Variants in GALNTL6 observed in about 807,000 individuals in gnomAD.
GALNTL6 encodes the protein polypeptide N-acetylgalactosaminyltransferase-like 6.
In GALNTL6, 46 loss-of-function variants were observed where a neutral mutation model predicts 73.7. The observed-to-expected ratio is 0.62, with a 90% confidence interval of 0.49 to 0.80. The LOEUF (loss-of-function observed/expected upper bound fraction) is 0.80, where lower values mean the gene tolerates loss of function less well. Ranked by LOEUF, GALNTL6 falls within the 30% of genes least tolerant of loss-of-function variation. The pLI is 0.00. For missense variants in GALNTL6, 604 were observed against 755.0 expected (o/e 0.80, Z 2.34); for synonymous variants, 259 against 263.7 (o/e 0.98, Z 0.17).
intron 2 of GALNTL6, among the ~76,000 whole-genome samples, chr4:171,946,497 T>C (rs2111022873): frequency 6.6e-6 from 1 of 152,330 alleles, no homozygotes; most frequent in East Asian, 1.9e-4. Context: ...GTGGATGTTA[T>C]TCATCTCTCT....
intron 2 of GALNTL6, among the ~76,000 whole-genome samples, chr4:172,091,659 T>C (rs1413971335): frequency 6.6e-6 from 1 of 152,194 alleles, no homozygotes; most frequent in Non-Finnish European, 1.5e-5. Context: ...TATAATAATA[T>C]AAAAGAGACT....
At chr4:173,018,505 C>T (rs1752869038) in intron 11 of GALNTL6, among the ~76,000 whole-genome samples, 1 of 152,164 alleles carries the variant, frequency 6.6e-6, no homozygotes, top group Non-Finnish European at 1.5e-5. Flanking sequence ...AGCCCTGCAA[C>T]TAAGGATCTC....
At chr4:172,765,352 A>G (rs1053737607) in intron 5 of GALNTL6, among the ~76,000 whole-genome samples, 1 of 152,194 alleles carries the variant, frequency 6.6e-6, no homozygotes, top group Non-Finnish European at 1.5e-5. Flanking sequence ...TCATGTTTAT[A>G]TAGTTCTTTG....
intron 5 of GALNTL6, among the ~76,000 whole-genome samples, chr4:172,449,008 A>G (rs1310433745): frequency 6.6e-6 from 1 of 152,112 alleles, no homozygotes; most frequent in Non-Finnish European, 1.5e-5. Flanking sequence ...CAACTAATTA[A>G]CTTTACCTTT....
intron 2 of GALNTL6, among the ~76,000 whole-genome samples, chr4:171,856,209 T>C (rs1311867172): frequency 6.6e-6 from 1 of 152,020 alleles, no homozygotes; most frequent in Admixed American, 6.6e-5. Flanking sequence ...TTCAAGTGAT[T>C]CTTCCATCTC....
At chr4:172,352,912 GA>G (rs1741990451) in intron 5 of GALNTL6, among the ~76,000 whole-genome samples, 1 of 151,994 alleles carries the variant, frequency 6.6e-6, no homozygotes, top group Non-Finnish European at 1.5e-5. Context: ...AAACAGACTT[GA>G]AACTATCCTC....
chr4:172,491,788 A>G (rs1733903869), intron 5 of GALNTL6, among the ~76,000 whole-genome samples: 1 of 152,158 alleles, frequency 6.6e-6, no homozygotes, highest in African/African-American at 2.4e-5. Context: ...TTAAGGAAAA[A>G]GTTCTATGTC....
intron 5 of GALNTL6, among the ~76,000 whole-genome samples, chr4:172,365,049 A>C (rs1465602628): frequency 1.3e-5 from 2 of 152,224 alleles, no homozygotes; most frequent in African/African-American, 4.8e-5. Context: ...GAGGAAAAAC[A>C]TGAAAAATGA....
At chr4:171,936,425 T>C (rs1299342556) in intron 2 of GALNTL6, among the ~76,000 whole-genome samples, 2 of 152,176 alleles carry the variant, frequency 1.3e-5, no homozygotes, top group Admixed American at 6.5e-5. Flanking sequence ...GAATGCATAC[T>C]TCGTATGAAT....
intron 5 of GALNTL6, among the ~76,000 whole-genome samples, chr4:172,753,780 G>C (rs2110792393): frequency 6.6e-6 from 1 of 152,132 alleles, no homozygotes; most frequent in Admixed American, 6.5e-5. Flanking sequence ...GAGAAGCTAA[G>C]CAAAATATTG....
At chr4:172,561,798 AT>A (rs1221251046) in intron 5 of GALNTL6, among the ~76,000 whole-genome samples, 2 of 152,094 alleles carry the variant, frequency 1.3e-5, no homozygotes, top group Non-Finnish European at 2.9e-5. Flanking sequence ...AGGCATCACT[AT>A]TTTTTTATAG....
intron 5 of GALNTL6, among the ~76,000 whole-genome samples, chr4:172,651,736 CT>C (rs1284647453): frequency 2.6e-5 from 4 of 152,174 alleles, no homozygotes; most frequent in Non-Finnish European, 4.4e-5. Flanking sequence ...CCAGACAAGG[CT>C]GAAAATCGTA....
intron 5 of GALNTL6, among the ~76,000 whole-genome samples, chr4:172,772,515 G>A (rs1416249023): frequency 6.6e-6 from 1 of 152,168 alleles, no homozygotes; most frequent in East Asian, 1.9e-4. Flanking sequence ...CGTGGCTCAG[G>A]AGGCCAGGGT....
chr4:172,452,415 A>G (rs1299801707), intron 5 of GALNTL6, among the ~76,000 whole-genome samples: 3 of 152,116 alleles, frequency 2.0e-5, no homozygotes, highest in East Asian at 1.9e-4. Flanking sequence ...CTAACAAGCT[A>G]TGTTTCCAGA....
At chr4:172,424,369 C>A (rs1249648590) in intron 5 of GALNTL6, among the ~76,000 whole-genome samples, 2 of 151,896 alleles carry the variant, frequency 1.3e-5, no homozygotes, top group East Asian at 3.9e-4. Context: ...TTTAATGGTT[C>A]TACACATTCT....
chr4:171,967,124 C>T (rs996973926), intron 2 of GALNTL6, among the ~76,000 whole-genome samples: 6 of 152,166 alleles, frequency 3.9e-5, no homozygotes, highest in African/African-American at 1.4e-4. Flanking sequence ...TAAGTTTTCT[C>T]GTTACTTCTT....
At chr4:172,795,076 T>C (rs376207933) in intron 5 of GALNTL6, among the ~76,000 whole-genome samples, 3 of 152,056 alleles carry the variant, frequency 2.0e-5, no homozygotes, top group Non-Finnish European at 4.4e-5. Flanking sequence ...ACAAAATCCC[T>C]CGCAAAATGG....
At chr4:172,654,408 C>G (rs868785547) in intron 5 of GALNTL6, among the ~76,000 whole-genome samples, 1 of 152,214 alleles carries the variant, frequency 6.6e-6, no homozygotes, top group Non-Finnish European at 1.5e-5. Context: ...CTTTAGTTCA[C>G]TAATCCTTTC....
At chr4:172,364,668 T>C (rs1742492113) in intron 5 of GALNTL6, among the ~76,000 whole-genome samples, 1 of 152,170 alleles carries the variant, frequency 6.6e-6, no homozygotes, top group Non-Finnish European at 1.5e-5. Flanking sequence ...ATTGAACTAT[T>C]TGATCCATTG....
Sources: gnomAD v4.1 joint callset for allele counts (sites outside exome capture counted in the v4.1 genomes callset) on GRCh38, gnomAD v4.1.1 for gene constraint, MANE v1.5 for transcripts, NCBI Gene and HGNC (gene_info 2026-07-23, HGNC 2026-07-21) for gene names.